Variants in ZNF385D observed in about 807,000 individuals in gnomAD.
ZNF385D encodes the protein zinc finger protein 659.
Under a neutral mutation model 35.8 loss-of-function variants are expected in ZNF385D, and 15 were observed. The ratio of observed to expected loss-of-function variants is 0.42; its 90% confidence interval spans 0.28 to 0.64. The LOEUF (loss-of-function observed/expected upper bound fraction) is 0.64, where lower values mean the gene tolerates loss of function less well. ZNF385D is among the 30% of genes least tolerant of loss of function. The pLI, the probability that ZNF385D is intolerant of heterozygous loss-of-function variation, is 0.23. For synonymous variants in ZNF385D, 212 were observed against 186.8 expected (o/e 1.13, Z -1.10); for missense variants, 474 against 494.6 (o/e 0.96, Z 0.39).
chr3:22,360,122 A>C (rs9870829), intron 2 of ZNF385D, among the ~76,000 whole-genome samples: 33,500 of 151,844 alleles, frequency 0.22, 4,049 homozygotes, highest in Non-Finnish European at 0.28. Context: ...TTTCTTGGAA[A>C]GTATTCACAG....
chr3:22,027,612 T>G (rs182548266), intron 3 of ZNF385D, among the ~76,000 whole-genome samples: 1 of 152,222 alleles, frequency 6.6e-6, no homozygotes, highest in Admixed American at 6.5e-5. Context: ...CAAATCACCA[T>G]GCCACCTGAA....
At chr3:21,603,946 C>T (rs1383819031) in intron 2 of ZNF385D, among the ~76,000 whole-genome samples, 1 of 152,112 alleles carries the variant, frequency 6.6e-6, no homozygotes, top group Non-Finnish European at 1.5e-5. Flanking sequence ...TATCTCAACT[C>T]CAGGCTGAGG....
chr3:22,202,995 G>A (rs1471389967), intron 2 of ZNF385D, among the ~76,000 whole-genome samples: 1 of 152,088 alleles, frequency 6.6e-6, no homozygotes, highest in East Asian at 1.9e-4. Flanking sequence ...GCAAATCCTA[G>A]TGGTGTGCTG....
At chr3:22,164,484 C>G (rs941926879) in intron 3 of ZNF385D, among the ~76,000 whole-genome samples, 3 of 151,726 alleles carry the variant, frequency 2.0e-5, no homozygotes, top group Admixed American at 2.0e-4. Flanking sequence ...CCTGTGATCT[C>G]CCAAAGTGCT....
intron 2 of ZNF385D, among the ~76,000 whole-genome samples, chr3:22,309,139 G>A (rs1267519663): frequency 6.6e-6 from 1 of 152,010 alleles, no homozygotes; most frequent in Non-Finnish European, 1.5e-5. Flanking sequence ...AGGAAAAGCA[G>A]CCCCTGTGTT....
chr3:21,518,040 T>C (rs1286119574), intron 3 of ZNF385D, among the ~76,000 whole-genome samples: 1 of 152,164 alleles, frequency 6.6e-6, no homozygotes, highest in Non-Finnish European at 1.5e-5. Flanking sequence ...GCAGGTGATT[T>C]GGTTAACTCT....
chr3:21,966,946 C>A (rs1446026520), intron 3 of ZNF385D, among the ~76,000 whole-genome samples: 6 of 152,146 alleles, frequency 3.9e-5, no homozygotes, highest in Admixed American at 3.9e-4. Context: ...TGTGCATGCA[C>A]ATGCACGTGG....
intron 2 of ZNF385D, among the ~76,000 whole-genome samples, chr3:21,603,581 T>TG: frequency 6.6e-6 from 1 of 151,828 alleles, no homozygotes; most frequent in East Asian, 1.9e-4. Context: ...ATAATAACTC[T>TG]AAACAAGTGA....
chr3:21,980,067 C>A (rs1040844151), intron 3 of ZNF385D, among the ~76,000 whole-genome samples: 1 of 152,132 alleles, frequency 6.6e-6, no homozygotes, highest in African/African-American at 2.4e-5. Context: ...TTCCTTTTTA[C>A]TTCTTTGATC....
At chr3:21,603,191 G>T (rs531482497) in intron 2 of ZNF385D, among the ~76,000 whole-genome samples, 3 of 152,316 alleles carry the variant, frequency 2.0e-5, no homozygotes, top group African/African-American at 7.2e-5. Context: ...TCTTAAAGAG[G>T]TATGTGATTT....
chr3:21,605,827 GA>G (rs2064462957), intron 2 of ZNF385D, among the ~76,000 whole-genome samples: 1 of 152,158 alleles, frequency 6.6e-6, no homozygotes, highest in Non-Finnish European at 1.5e-5. Flanking sequence ...GATCTTTAAT[GA>G]TTTCTTAAAA....
At chr3:21,624,443 A>G (rs1388442132) in intron 2 of ZNF385D, among the ~76,000 whole-genome samples, 1 of 152,126 alleles carries the variant, frequency 6.6e-6, no homozygotes, top group Non-Finnish European at 1.5e-5. Context: ...AGCCAGACAG[A>G]TACATATAAA....
chr3:21,860,782 AG>A, intron 3 of ZNF385D, among the ~76,000 whole-genome samples: 1 of 152,304 alleles, frequency 6.6e-6, no homozygotes, highest in East Asian at 1.9e-4. Context: ...CTGCTGCTCC[AG>A]GGAAGGCCAG....
chr3:21,686,610 T>C (rs749798583), intron 1 of ZNF385D, among the ~76,000 whole-genome samples: 4 of 152,190 alleles, frequency 2.6e-5, no homozygotes, highest in African/African-American at 9.6e-5. Context: ...CTCTTTTTCA[T>C]GTACAAAGCC....
chr3:22,315,055 T>G (rs969310142), intron 2 of ZNF385D, among the ~76,000 whole-genome samples: 1 of 151,956 alleles, frequency 6.6e-6, no homozygotes, highest in African/African-American at 2.4e-5. Flanking sequence ...AAAGAATGAC[T>G]AGAGGCACAA....
At chr3:22,291,221 C>G (rs945999606) in intron 2 of ZNF385D, among the ~76,000 whole-genome samples, 1 of 152,114 alleles carries the variant, frequency 6.6e-6, no homozygotes, top group African/African-American at 2.4e-5. Flanking sequence ...TTTAAATTAG[C>G]TTTGCAGAAC....
chr3:22,099,734 G>A (rs1405842587), intron 3 of ZNF385D, among the ~76,000 whole-genome samples: 1 of 151,990 alleles, frequency 6.6e-6, no homozygotes, highest in African/African-American at 2.4e-5. Flanking sequence ...GGAGCGTAAG[G>A]AGAGCTGAAG....
In ZNF385D at chr3:22,078,961, T is replaced by G. The variant is rs1044256669; in HGVS notation, c.325+89856A>C. 3.3e-5 allele frequency among the ~76,000 whole-genome samples: 5 copies of G among 152,156 alleles called. No homozygotes were observed. The South Asian group carries it at 1.0e-3, about 32-fold the overall frequency. Reference sequence around the variant, plus strand: ...TTGACCTATTTTTCTTTATTTCAAGTGTGTTAAGATTATGTATGCTTACCT... The same window carrying G: ...TTGACCTATTTTTCTTTATTTCAAGGGTGTTAAGATTATGTATGCTTACCT... On this transcript the variant is annotated intron_variant, in intron 3 of 5. Transcript: ENST00000494108.
intron 3 of ZNF385D, among the ~76,000 whole-genome samples, chr3:21,868,413 A>C (rs983963464): frequency 1.3e-5 from 2 of 152,166 alleles, no homozygotes; most frequent in Non-Finnish European, 2.9e-5. Context: ...ACTCTAAGCA[A>C]GGGTCTCACT....
Sources: allele counts gnomAD v4.1 joint callset (sites outside exome capture counted in the v4.1 genomes callset), GRCh38; gene constraint gnomAD v4.1.1; transcripts MANE v1.5; gene names NCBI Gene and HGNC (gene_info 2026-07-23, HGNC 2026-07-21).